Variants in SNURF observed in about 807,000 individuals in gnomAD.
The protein encoded by SNURF is SNURF protein.
Under a neutral mutation model 11.6 loss-of-function variants are expected in SNURF, and 6 were observed. The observed-to-expected ratio is 0.52, with a 90% CI of 0.28 to 1.02. The LOEUF is 1.02. SNURF is among the 50% of genes least tolerant of loss of function. The pLI is 0.09. For synonymous variants in SNURF, 29 were observed against 31.6 expected (o/e 0.92, Z 0.27); for missense variants, 84 against 88.4 (o/e 0.95, Z 0.20).
chr15:24,955,002 C>G (rs1198523579), exon 1 of SNURF: 1 of 1,610,962 alleles, frequency 6.2e-7, no homozygotes, highest in Non-Finnish European at 8.5e-7. Context: ...GTGGAGCGGC[C>G]GCCGGAGATG....
At chr15:24,962,313 G>T in intron 2 of SNURF, 104 bp downstream of exon 2, 1 of 896,092 alleles carries the variant, frequency 1.1e-6, no homozygotes, top group South Asian at 1.4e-5. Context: ...AATTGAAGAA[G>T]CAGACACATC....
intron 2 of SNURF, among the ~76,000 whole-genome samples, chr15:24,964,189 G>A (rs2075280791): frequency 1.3e-5 from 2 of 151,856 alleles, no homozygotes; most frequent in East Asian, 1.9e-4. Context: ...TTTGGAAGAC[G>A]TATTTTATGT....
At chr15:24,959,446 G>A (rs1226979280) in intron 1 of SNURF, among the ~76,000 whole-genome samples, 4 of 152,202 alleles carry the variant, frequency 2.6e-5, no homozygotes, top group South Asian at 2.1e-4. Flanking sequence ...TTGAGACCCC[G>A]TCTCTACATT....
intron 1 of SNURF, among the ~76,000 whole-genome samples, chr15:24,959,102 T>C (rs2074358927): frequency 6.6e-6 from 1 of 152,238 alleles, no homozygotes; most frequent in South Asian, 2.1e-4. Flanking sequence ...CCATTGCTTT[T>C]TGCTTTTCAA....
chr15:24,968,280 G>GTTA (rs1206330528), exon 3 of SNURF: 1 of 454,894 alleles, frequency 2.2e-6, no homozygotes, highest in African/African-American at 2.0e-5. Flanking sequence ...CTGTATTCCA[G>GTTA]TTATTGTAGC....
chr15:24,977,647 A>T, intron 6 of SNURF: 2 of 898,114 alleles, frequency 2.2e-6, no homozygotes, highest in Non-Finnish European at 3.2e-6. Context: ...AAAAAAAAAC[A>T]TGGGAATAAT....
At chr15:24,973,251 A>G (rs957533149), downstream of SNURF, among the ~76,000 whole-genome samples, 1 of 152,068 alleles carries the variant, frequency 6.6e-6, no homozygotes, top group East Asian at 1.9e-4. Flanking sequence ...CATGATATAC[A>G]GGTTTGTAGC....
At chr15:24,977,086 C>A in intron 6 of SNURF, 1 of 1,413,886 alleles carries the variant, frequency 7.1e-7, no homozygotes, top group Non-Finnish European at 9.5e-7. Flanking sequence ...AGCCGGAGGC[C>A]GAGGAGATTT....
At chr15:24,960,576 CTTCCATGAACCA>C in intron 1 of SNURF, among the ~76,000 whole-genome samples, 1 of 152,266 alleles carries the variant, frequency 6.6e-6, no homozygotes, top group Admixed American at 6.5e-5. Context: ...TGGCCTCAGC[CTTCCATGAACCA>C]TTGCGCCCTG....
At chr15:24,970,803 C>G (rs553754415), downstream of SNURF, among the ~76,000 whole-genome samples, 1 of 152,190 alleles carries the variant, frequency 6.6e-6, no homozygotes, top group Non-Finnish European at 1.5e-5. Context: ...CCTTTGTATT[C>G]TGGTGTTTTT....
intron 1 of SNURF, among the ~76,000 whole-genome samples, chr15:24,956,442 G>A (rs1437320077): frequency 1.3e-5 from 2 of 152,056 alleles, no homozygotes; most frequent in Non-Finnish European, 2.9e-5. Flanking sequence ...CGGAGTTTCA[G>A]CCGTACCCTC....
chr15:24,972,101 C>T (rs899794331), downstream of SNURF, among the ~76,000 whole-genome samples: 1 of 151,808 alleles, frequency 6.6e-6, no homozygotes, highest in East Asian at 1.9e-4. Context: ...GCTAAAAATA[C>T]AAAAATTAGC....
chr15:24,961,556 T>C (rs1229159083), intron 1 of SNURF, among the ~76,000 whole-genome samples: 2 of 152,204 alleles, frequency 1.3e-5, no homozygotes, highest in African/African-American at 4.8e-5. Context: ...GTTTTTTGTT[T>C]GTTTGTTTGT....
intron 3 of SNURF, chr15:24,974,321 C>T: frequency 1.2e-6 from 1 of 805,496 alleles, no homozygotes; most frequent in Middle Eastern, 2.3e-4. Context: ...GCTCCATCTA[C>T]TCTTTGAAGC....
chr15:24,967,068 A>G (rs1477024765), intron 2 of SNURF: 1 of 152,152 alleles, frequency 6.6e-6, no homozygotes, highest in Non-Finnish European at 1.5e-5. Flanking sequence ...AGGACGGCCT[A>G]AACATCTCCC....
At chr15:24,969,460 T>A (rs892589579), downstream of SNURF, among the ~76,000 whole-genome samples, 1 of 152,112 alleles carries the variant, frequency 6.6e-6, no homozygotes, top group Admixed American at 6.6e-5. Flanking sequence ...GAGACAGAAA[T>A]TTTCTGAGAA....
chr15:24,965,060 G>A (rs1197606583), intron 2 of SNURF, among the ~76,000 whole-genome samples: 1 of 152,126 alleles, frequency 6.6e-6, no homozygotes, highest in African/African-American at 2.4e-5. Flanking sequence ...TATGGAATGG[G>A]TAAGCAGGAT....
intron 1 of SNURF, among the ~76,000 whole-genome samples, chr15:24,959,703 TGA>T (rs2074455290): frequency 6.6e-6 from 1 of 152,238 alleles, no homozygotes; most frequent in Non-Finnish European, 1.5e-5. Context: ...AATGTAGCAC[TGA>T]TCAGTACTAA....
At chr15:24,966,810 C>A (rs2075707720) in intron 2 of SNURF, among the ~76,000 whole-genome samples, 1 of 152,108 alleles carries the variant, frequency 6.6e-6, no homozygotes, top group African/African-American at 2.4e-5. Flanking sequence ...TCCTTACATG[C>A]CAACAAGGGC....
Sources: allele counts gnomAD v4.1 joint callset (sites outside exome capture counted in the v4.1 genomes callset), GRCh38; gene constraint gnomAD v4.1.1; transcripts MANE v1.5; gene names NCBI Gene and HGNC (gene_info 2026-07-23, HGNC 2026-07-21).